The following ANAPC4 variants were observed in gnomAD, a reference collection of about 807,000 sequenced individuals.
ANAPC4 encodes the protein anaphase promoting complex subunit 4.
In ANAPC4, 63 loss-of-function variants were observed where a neutral mutation model predicts 119.8. The observed-to-expected ratio is 0.53, with a 90% CI of 0.43 to 0.65. The LOEUF (loss-of-function observed/expected upper bound fraction) is 0.65. ANAPC4 is among the 30% of genes least tolerant of loss of function. ANAPC4 has a pLI of 0.00. For synonymous variants in ANAPC4, 283 were observed against 318.6 expected (o/e 0.89, Z 1.19); for missense variants, 716 against 945.1 (o/e 0.76, Z 3.18).
At chr4:25,384,725 C>T (rs1360042821) in intron 4 of ANAPC4, among the ~76,000 whole-genome samples, 1 of 151,590 alleles carries the variant, frequency 6.6e-6, no homozygotes, top group African/African-American at 2.4e-5. Context: ...TCACCTGACC[C>T]TAAGGAGGTT....
At chr4:25,394,645 TA>T in intron 12 of ANAPC4, 25 bp from the exon 13 acceptor site, 2 of 1,576,534 alleles carry the variant, frequency 1.3e-6, no homozygotes, top group Non-Finnish European at 1.7e-6. Context: ...GAGAAGTGAC[TA>T]AAAATACTTT....
At chr4:25,388,099 G>A (rs763207009) in intron 4 of ANAPC4, among the ~76,000 whole-genome samples, 5 of 152,098 alleles carry the variant, frequency 3.3e-5, no homozygotes, top group Non-Finnish European at 5.9e-5. Flanking sequence ...ACTGCACTCC[G>A]GCCTGGGTGA....
chr4:25,400,178 G>T (rs10016263), intron 16 of ANAPC4, among the ~76,000 whole-genome samples: 61,799 of 151,992 alleles, frequency 0.41, 14,602 homozygotes, highest in Non-Finnish European at 0.52. Context: ...AATTGCTGGG[G>T]TTTTTTCTTC....
Position 25,417,629 on chromosome 4 carries a change from T to A in ANAPC4, c.2089T>A (p.Cys697Ser). Residue 697 changes from cysteine (C) to serine (S), a missense_variant, in exon 28 of 29, where the codon TGT becomes AGT. Physicochemically the swap from Cys to Ser is moderately radical, Grantham distance 112. This residue lies in a region of ANAPC4 where 504 missense variants were observed against 615.8 expected (regional missense o/e 0.82). Coordinates refer to ENST00000315368, the MANE Select transcript of ANAPC4 (RefSeq NM_013367.3). The stretch of plus-strand genomic sequence containing the variant: ...TTCCCTCTTTAGGCTAGATGAACAG[T>A]GTAGTGCTATTCCCACCCGTACCAT... The part of the protein sequence containing the change: ...GTYSTRLDEQ[C>S]SAIPTRTMHF... 6.2e-7 allele frequency: 1 copy of A among 1,610,490 alleles called. No homozygotes were observed. The highest frequency in any genetic ancestry group is 8.5e-7 in the Non-Finnish European group (1 of 1,178,800).
chr4:25,411,835 G>C (rs1160235224), intron 21 of ANAPC4, among the ~76,000 whole-genome samples: 1 of 152,176 alleles, frequency 6.6e-6, no homozygotes, highest in Non-Finnish European at 1.5e-5. Context: ...CAAAATGAGA[G>C]AAATTTTTTT....
At chr4:25,413,805 C>A in intron 22 of ANAPC4, 63 bp downstream of exon 22, 2 of 1,232,402 alleles carry the variant, frequency 1.6e-6, no homozygotes, top group Non-Finnish European at 2.3e-6. Flanking sequence ...ATGTGGCTCA[C>A]TTATGTAAAT....
intron 2 of ANAPC4, 25 bp downstream of exon 2, chr4:25,377,581 C>G (rs1721480676): frequency 6.3e-7 from 1 of 1,587,246 alleles, no homozygotes; most frequent in Non-Finnish European, 8.5e-7. Flanking sequence ...GGGAGCCCGC[C>G]TGTGCTGGGT....
chr4:25,415,635 G>A, intron 26 of ANAPC4, 95 bp downstream of exon 26: 3 of 1,036,546 alleles, frequency 2.9e-6, no homozygotes, highest in Non-Finnish European at 4.2e-6. Context: ...TGGTAATATA[G>A]GTAAAAGGGC....
chr4:25,418,000 A>T, intron 28 of ANAPC4, 155 bp from the exon 29 acceptor site: 1 of 888,992 alleles, frequency 1.1e-6, no homozygotes, highest in Non-Finnish European at 1.7e-6. Context: ...ATCTTTTTAT[A>T]CAAAATGAAG....
At position 25,414,365 on chromosome 4, in the gene ANAPC4, A is replaced by G. The variant is rs773795360; in HGVS notation, c.1665A>G (p.Pro555=). The G allele has an allele frequency of 1.2e-6, 2 of 1,603,720 alleles. No individual in the cohort carries two copies. The highest frequency in any genetic ancestry group is 1.7e-6 in the Non-Finnish European group (2 of 1,173,054). The change falls in exon 23 of 29, where the codon CCA becomes CCG. Residue 555 remains proline (P), a synonymous_variant. Transcript: ENST00000315368. ...CGATGAATCAAGCAATCTGTATTCC[A>G]TTGTATAGAGATACCAGAAGGTAAT... The part of the protein sequence containing the change: ...GKSMNQAICI[P]LYRDTRSEDS...
At chr4:25,381,306 C>G (rs533211497) in intron 3 of ANAPC4, among the ~76,000 whole-genome samples, 6 of 151,996 alleles carry the variant, frequency 3.9e-5, no homozygotes, top group Non-Finnish European at 7.4e-5. Context: ...TTTTCCCCCC[C>G]AGACAGTGTC....
chr4:25,414,116 C>T, intron 22 of ANAPC4: 1 of 486,714 alleles, frequency 2.1e-6, no homozygotes, highest in Non-Finnish European at 3.6e-6. Context: ...TTAAACCTGC[C>T]ATGTGCTTAG....
intron 7 of ANAPC4, among the ~76,000 whole-genome samples, 198 bp downstream of exon 7, chr4:25,389,080 TC>T (rs1722196739): frequency 1.3e-5 from 2 of 152,266 alleles, no homozygotes; most frequent in East Asian, 3.9e-4. Flanking sequence ...AACCTCTACT[TC>T]CTGGGCACAA....
chr4:25,389,094 G>A (rs940257055), intron 7 of ANAPC4, among the ~76,000 whole-genome samples: 4 of 151,718 alleles, frequency 2.6e-5, no homozygotes, highest in African/African-American at 7.3e-5. Flanking sequence ...GGGCACAAGC[G>A]ATTCTCCTGT....
chr4:25,407,358 T>C, intron 20 of ANAPC4, 105 bp downstream of exon 20: 1 of 764,590 alleles, frequency 1.3e-6, no homozygotes, highest in Non-Finnish European at 2.0e-6. Context: ...CTCTGCCCTT[T>C]TAGTAAAATT....
At chr4:25,413,406 G>C (rs1723685228) in intron 21 of ANAPC4, 1 of 362,854 alleles carries the variant, frequency 2.8e-6, no homozygotes, top group South Asian at 6.7e-5. Flanking sequence ...TTGGATTTTG[G>C]TGAGTCTAAG....
chr4:25,417,900 A>G (rs1723972271), intron 28 of ANAPC4, 161 bp downstream of exon 28: 4 of 1,056,904 alleles, frequency 3.8e-6, no homozygotes, highest in South Asian at 3.5e-5. Context: ...GGCCTTAGCT[A>G]TTTAGTTCTT....
chr4:25,409,742 A>G lies in ANAPC4; in HGVS notation c.1476A>G (p.Thr492=). The change falls in exon 21 of 29, where the codon ACA becomes ACG. Residue 492 remains threonine (T), a synonymous_variant. Coordinates refer to ENST00000315368, the MANE Select transcript of ANAPC4 (RefSeq NM_013367.3). ...EDDDLVSPPN[T]EGNQWYDFLQ... is the part of the protein sequence containing the mutation. ...ATGATCTTGTGTCACCCCCTAACAC[A>G]GAAGGAAACCAGTGGTATGACTTTC... The G allele has an allele frequency of 6.2e-7, 1 of 1,613,500 alleles. No homozygotes were observed. The highest frequency in any genetic ancestry group is 8.5e-7 in the Non-Finnish European group (1 of 1,179,618).
intron 3 of ANAPC4, among the ~76,000 whole-genome samples, chr4:25,381,814 G>T (rs931800742): frequency 5.3e-5 from 8 of 152,222 alleles, no homozygotes; most frequent in African/African-American, 1.9e-4. Context: ...CAGGCGTGGT[G>T]GTGGGCACCT....
Sources: allele counts gnomAD v4.1 joint callset (sites outside exome capture counted in the v4.1 genomes callset), GRCh38; gene constraint gnomAD v4.1.1; regional missense constraint gnomAD v4.1.1; transcripts MANE v1.5; gene names NCBI Gene and HGNC (gene_info 2026-07-23, HGNC 2026-07-21).